The following KCTD1 variants were observed in gnomAD, a reference collection of about 807,000 sequenced individuals.
KCTD1 encodes BTB/POZ domain-containing protein KCTD1.
In KCTD1, 24 loss-of-function variants were observed where a neutral mutation model predicts 66.0. The ratio of observed to expected loss-of-function variants is 0.36; its 90% CI spans 0.26 to 0.51. The LOEUF is 0.51. KCTD1 is among the 20% of genes least tolerant of loss of function. The probability of loss-of-function intolerance (pLI) is 0.95; values close to 1 mark genes in which losing one functional copy is unlikely to be tolerated. For missense variants in KCTD1, 943 were observed against 1,205.2 expected, an observed-to-expected ratio of 0.78 and a Z score of 3.22; for synonymous variants, 511 against 517.2, an observed-to-expected ratio of 0.99 and a Z score of 0.16.
chr18:26,516,545 T>A (rs1309359957), intron 1 of KCTD1, among the ~76,000 whole-genome samples: 1 of 152,204 alleles, frequency 6.6e-6, no homozygotes. Flanking sequence ...CCTGATGGAA[T>A]GTTCACCACT....
At position 26,560,940 on chromosome 18, in the gene KCTD1, T is replaced by C. The variant is rs142321445; in HGVS notation, c.-15-59690A>G. On this transcript the variant is annotated intron_variant, in intron 1 of 4. Coordinates refer to the KCTD1 transcript ENST00000317932. ...TCTAGAAATGGGCTGCACACAAAGA[T>C]ATATGTACAAGGGTGCTCTTGAAGC... is the stretch of plus-strand genomic sequence containing the variant. Among the ~76,000 whole-genome samples, 833 of 152,286 alleles carry C rather than the reference T, an allele frequency of 5.5e-3. 3 individuals carry two copies. The highest frequency in any genetic ancestry group is 8.6e-3 in the Non-Finnish European group (587 of 68,006).
chr18:26,468,963 T>C lies in KCTD1; in HGVS notation c.2133+7552A>G, dbSNP rs1039498816. On this transcript the variant is annotated intron_variant, in intron 3 of 4. Coordinates refer to ENST00000580059, the MANE Select transcript of KCTD1 (RefSeq NM_001142730.3). This position sits in a 1 kb window ranked among gnomAD's most constrained non-coding sequence, Gnocchi z 4.8. ...CGTGCAGACTGAAAGCTCCTATGTG[T>C]ACCTGTATTTGTGACTCCTGTAAAC... Among the ~76,000 whole-genome samples the C allele has an allele frequency of 6.6e-6, 1 of 152,210 alleles. No individual in the cohort carries two copies. The highest frequency in any genetic ancestry group is 1.5e-5 in the Non-Finnish European group (1 of 68,040).
chr18:26,552,586 A>T (rs1985600542), upstream of KCTD1, among the ~76,000 whole-genome samples: 1 of 152,274 alleles, frequency 6.6e-6, no homozygotes. Context: ...AGTTAAAATG[A>T]ATTTAATGGC....
At chr18:26,538,388 G>A (rs978170031) in intron 1 of KCTD1, among the ~76,000 whole-genome samples, 11 of 152,136 alleles carry the variant, frequency 7.2e-5, no homozygotes, top group African/African-American at 2.7e-4. Context: ...CATCCACACG[G>A]ATGGGCTTTT....
intron 1 of KCTD1, among the ~76,000 whole-genome samples, chr18:26,589,218 C>T (rs1311362482): frequency 6.6e-6 from 1 of 152,142 alleles, no homozygotes; most frequent in Non-Finnish European, 1.5e-5. Context: ...AGACAAGACT[C>T]GGGCCTGTGG....
chr18:26,528,087 TTCTC>T (rs1342917728), intron 1 of KCTD1, among the ~76,000 whole-genome samples: 3 of 152,170 alleles, frequency 2.0e-5, no homozygotes, highest in Non-Finnish European at 1.5e-5. Flanking sequence ...AACTCATTGG[TTCTC>T]TCTGTGGTCT....
chr18:26,511,547 G>A (rs968146545), intron 1 of KCTD1, among the ~76,000 whole-genome samples: 2 of 152,224 alleles, frequency 1.3e-5, no homozygotes, highest in African/African-American at 2.4e-5. Flanking sequence ...ATGAAACAGC[G>A]TCTAACATGT....
intron 3 of KCTD1, among the ~76,000 whole-genome samples, chr18:26,473,856 T>C (rs1284561418): frequency 6.6e-6 from 1 of 152,196 alleles, no homozygotes; most frequent in Non-Finnish European, 1.5e-5. Flanking sequence ...CTGCAGTTAT[T>C]ACACTCTCTC....
At chr18:26,650,313 T>G (rs2145078170) in intron 1 of KCTD1, among the ~76,000 whole-genome samples, 1 of 152,320 alleles carries the variant, frequency 6.6e-6, no homozygotes, top group South Asian at 2.1e-4. Flanking sequence ...CCCCTGAAAT[T>G]ATGTGTTCAT....
At chr18:26,493,091 C>A (rs1254761256) in intron 2 of KCTD1, among the ~76,000 whole-genome samples, 1 of 152,162 alleles carries the variant, frequency 6.6e-6, no homozygotes, top group East Asian at 1.9e-4. Context: ...CAGGATGAAA[C>A]CTCCCTTCCA....
chr18:26,534,984 T>C (rs1159468257), intron 1 of KCTD1, among the ~76,000 whole-genome samples: 1 of 152,144 alleles, frequency 6.6e-6, no homozygotes, highest in Non-Finnish European at 1.5e-5. Flanking sequence ...GATTTTCACT[T>C]CTGAAGGATG....
chr18:26,550,662 T>A (rs1005225916), upstream of KCTD1, among the ~76,000 whole-genome samples: 7 of 151,166 alleles, frequency 4.6e-5, no homozygotes, highest in African/African-American at 1.7e-4. This position sits in a 1 kb window ranked among gnomAD's most constrained non-coding sequence, Gnocchi z 5.4. Context: ...GTCCCCGAGG[T>A]GCGGCGCGGG....
At chr18:26,657,402 C>A, upstream of KCTD1, 1 of 985,790 alleles carries the variant, frequency 1.0e-6, no homozygotes. Flanking sequence ...GTCCCCTTTT[C>A]CTTTTCCTCT....
chr18:26,514,832 C>T (rs906651213), intron 1 of KCTD1, among the ~76,000 whole-genome samples: 9 of 152,192 alleles, frequency 5.9e-5, no homozygotes, highest in African/African-American at 2.2e-4. Flanking sequence ...AACTGCCAGA[C>T]CTGGTATTAG....
chr18:26,627,519 G>C (rs925491930), intron 1 of KCTD1, among the ~76,000 whole-genome samples: 3 of 152,098 alleles, frequency 2.0e-5, no homozygotes, highest in Admixed American at 2.0e-4. Flanking sequence ...GTTCAATTGT[G>C]CAACTAATTA....
At position 26,654,915 on chromosome 18, in the gene KCTD1, A is replaced by G. The variant is rs549911406; in HGVS notation, c.9+2445T>C. ...TGCAGTCAGTGTTTTAGTTTCCTGA[A>G]TATCAGCCCCTCGTAGTAAGCCAAA... On this transcript the variant is annotated intron_variant, in intron 1 of 4. Transcript: ENST00000580191. Among the ~76,000 whole-genome samples, 9 of 152,368 alleles carry G rather than the reference A, an allele frequency of 5.9e-5. 1 individual carries two copies. In the South Asian group the frequency reaches 1.9e-3, roughly 32 times the overall value.
chr18:26,500,636 A>G (rs1982712034), intron 2 of KCTD1, among the ~76,000 whole-genome samples: 1 of 152,168 alleles, frequency 6.6e-6, no homozygotes, highest in Non-Finnish European at 1.5e-5. Context: ...AGATCTAAAT[A>G]TAATGCCTCA....
At chr18:26,522,855 C>T (rs1187261019) in intron 1 of KCTD1, among the ~76,000 whole-genome samples, 1 of 152,106 alleles carries the variant, frequency 6.6e-6, no homozygotes, top group Admixed American at 6.5e-5. Flanking sequence ...GAAACTGAGG[C>T]TTACAGAGGG....
intron 1 of KCTD1, among the ~76,000 whole-genome samples, chr18:26,504,309 A>T (rs1246502768): frequency 6.6e-6 from 1 of 152,160 alleles, no homozygotes; most frequent in East Asian, 1.9e-4. Flanking sequence ...AGTTCATTGC[A>T]ACCTCCACTT....
Sources: allele counts gnomAD v4.1 joint callset (sites outside exome capture counted in the v4.1 genomes callset), GRCh38; gene constraint gnomAD v4.1.1; non-coding constraint Gnocchi (gnomAD v3.1); transcripts MANE v1.5; gene names NCBI Gene and HGNC (gene_info 2026-07-23, HGNC 2026-07-21).